NR1H4: variants seen among roughly 807,000 people sequenced by gnomAD.
NR1H4 encodes nuclear receptor subfamily 1 group H member 4.
Under a neutral mutation model 58.5 loss-of-function variants are expected in NR1H4, and 23 were observed. The ratio of observed to expected loss-of-function variants is 0.39; its 90% CI spans 0.28 to 0.56. The LOEUF is 0.56. Ranked by LOEUF, NR1H4 falls within the 20% of genes least tolerant of loss-of-function variation. NR1H4 has a pLI of 0.58. For synonymous variants in NR1H4, 214 were observed against 198.0 expected, an observed-to-expected ratio of 1.08 and a Z score of -0.68; for missense variants, 487 against 576.9, an observed-to-expected ratio of 0.84 and a Z score of 1.60.
intron 4 of NR1H4, among the ~76,000 whole-genome samples, chr12:100,526,642 C>T (rs1158572825): frequency 2.6e-5 from 4 of 152,154 alleles, no homozygotes; most frequent in Non-Finnish European, 5.9e-5. Context: ...AACAACTCAG[C>T]CACAGTCCAG....
chr12:100,561,847 C>T (rs768145016), intron 9 of NR1H4, 38 bp from the exon 10 acceptor site: 8 of 874,836 alleles, frequency 9.1e-6, no homozygotes, highest in Non-Finnish European at 1.6e-5. Context: ...TGTTTAGTCA[C>T]TCAAAAATTG....
At chr12:100,522,871 G>A (rs111862275) in intron 4 of NR1H4, among the ~76,000 whole-genome samples, 4,936 of 152,206 alleles carry the variant, frequency 0.032, 251 homozygotes, top group African/African-American at 0.11. Context: ...CCAAGTTGCT[G>A]CAAAAGACAT....
intron 1 of NR1H4, among the ~76,000 whole-genome samples, chr12:100,484,153 G>A (rs1320732137): frequency 2.0e-5 from 3 of 152,172 alleles, no homozygotes; most frequent in Middle Eastern, 3.4e-3. Context: ...CAACAACTGA[G>A]TTCATTTGAG....
chr12:100,555,660 T>C (rs540916776), intron 9 of NR1H4, among the ~76,000 whole-genome samples: 5 of 152,348 alleles, frequency 3.3e-5, no homozygotes, highest in Non-Finnish European at 7.3e-5. Flanking sequence ...AAGCACTCTC[T>C]ATATATCTCA....
chr12:100,482,366 C>A (rs763498634), intron 1 of NR1H4, among the ~76,000 whole-genome samples: 2 of 151,762 alleles, frequency 1.3e-5, no homozygotes, highest in Non-Finnish European at 2.9e-5. Flanking sequence ...TAATTTCTGT[C>A]CTATGGCCTA....
chr12:100,478,646 A>G (rs192611218), intron 1 of NR1H4, among the ~76,000 whole-genome samples: 2 of 152,210 alleles, frequency 1.3e-5, no homozygotes, highest in African/African-American at 2.4e-5. Flanking sequence ...CTAATAGTTG[A>G]TACTATAGAG....
intron 1 of NR1H4, among the ~76,000 whole-genome samples, chr12:100,491,749 A>G (rs1953610984): frequency 6.6e-6 from 1 of 151,870 alleles, no homozygotes; most frequent in Non-Finnish European, 1.5e-5. Flanking sequence ...CCCACAGTGG[A>G]CACAGTTTGT....
chr12:100,504,436 G>A (rs1953910144), intron 3 of NR1H4, among the ~76,000 whole-genome samples: 2 of 152,132 alleles, frequency 1.3e-5, no homozygotes, highest in African/African-American at 4.8e-5. Flanking sequence ...GGCCGGGGAA[G>A]CAAATTTTCT....
intron 9 of NR1H4, among the ~76,000 whole-genome samples, chr12:100,559,759 G>A (rs1238121731): frequency 6.6e-6 from 1 of 152,252 alleles, no homozygotes; most frequent in East Asian, 1.9e-4. Flanking sequence ...AAGGGCTGAG[G>A]AATGCGAGCG....
intron 1 of NR1H4, among the ~76,000 whole-genome samples, chr12:100,475,381 G>T (rs1953246934): frequency 6.6e-6 from 1 of 152,122 alleles, no homozygotes; most frequent in African/African-American, 2.4e-5. Flanking sequence ...GCAACTCCTG[G>T]TTAACTGATA....
At chr12:100,521,858 A>C (rs1019487181) in intron 4 of NR1H4, among the ~76,000 whole-genome samples, 2 of 152,176 alleles carry the variant, frequency 1.3e-5, no homozygotes, top group Non-Finnish European at 2.9e-5. Flanking sequence ...TAATGATCCT[A>C]ATGAATTCTA....
At chr12:100,503,404 A>G in intron 3 of NR1H4, 1 of 1,597,188 alleles carries the variant, frequency 6.3e-7, no homozygotes, top group South Asian at 1.1e-5. Context: ...ATGCAGTTTC[A>G]GGGGTTAGAA....
intron 9 of NR1H4, among the ~76,000 whole-genome samples, chr12:100,545,913 CT>C (rs1258596921): frequency 3.3e-5 from 5 of 152,068 alleles, no homozygotes; most frequent in Non-Finnish European, 7.4e-5. Context: ...CTATGCTGAT[CT>C]GACACCTGTG....
chr12:100,540,169 G>A (rs753331584), intron 8 of NR1H4, among the ~76,000 whole-genome samples: 24 of 152,188 alleles, frequency 1.6e-4, no homozygotes, highest in Non-Finnish European at 2.8e-4. Flanking sequence ...CACCCTGTGT[G>A]TCGCAGTGCT....
chr12:100,527,458 A>C (rs1020819842), intron 4 of NR1H4, among the ~76,000 whole-genome samples: 1 of 152,234 alleles, frequency 6.6e-6, no homozygotes, highest in Non-Finnish European at 1.5e-5. Flanking sequence ...GCTTGAGCCC[A>C]GGAGTTTGAG....
At chr12:100,560,528 C>A (rs570415840) in intron 9 of NR1H4, among the ~76,000 whole-genome samples, 1 of 152,130 alleles carries the variant, frequency 6.6e-6, no homozygotes, top group Non-Finnish European at 1.5e-5. Context: ...TCTGCAGCTT[C>A]ACTCCTGAGC....
At chr12:100,549,816 T>C (rs893432724) in intron 9 of NR1H4, among the ~76,000 whole-genome samples, 1 of 152,210 alleles carries the variant, frequency 6.6e-6, no homozygotes, top group African/African-American at 2.4e-5. Context: ...CATTTATTAA[T>C]ATTTATGAAT....
Position 100,536,968 on chromosome 12 carries a change from A to C in NR1H4, c.852A>C (p.Ala284=). Residue 284 remains alanine (A), a synonymous_variant, in exon 8 of 11, where the codon GCA becomes GCC. Coordinates refer to ENST00000392986, the MANE Select transcript of NR1H4 (RefSeq NM_001206979.2). ...TTTAGTTAAAAGAAGAATTCAGTGC[A>C]GAAGAAAATTTTCTCATTTTGACGG... The part of the protein sequence containing the change: ...TNKILKEEFS[A]EENFLILTEM... 6.3e-7 allele frequency: 1 copy of C among 1,595,372 alleles called. No individual in the cohort carries two copies.
chr12:100,522,470 G>T (rs2136201562), intron 4 of NR1H4, among the ~76,000 whole-genome samples: 1 of 151,866 alleles, frequency 6.6e-6, no homozygotes, highest in Middle Eastern at 3.4e-3. Context: ...TTATCATTGG[G>T]TTGTTGTGAA....
Sources: gnomAD v4.1 joint callset for allele counts (sites outside exome capture counted in the v4.1 genomes callset) on GRCh38, gnomAD v4.1.1 for gene constraint, MANE v1.5 for transcripts, NCBI Gene and HGNC (gene_info 2026-07-23, HGNC 2026-07-21) for gene names.